The following CPN1 variants were observed in gnomAD, a reference collection of about 807,000 sequenced individuals.
CPN1 encodes the protein carboxypeptidase N catalytic chain.
A neutral mutation model predicts 46.4 loss-of-function variants in CPN1; 37 were observed. The ratio of observed to expected loss-of-function variants is 0.80; its 90% CI spans 0.61 to 1.05. The LOEUF is 1.05. CPN1 is among the 50% of genes least tolerant of loss of function. CPN1 has a pLI of 0.00. For synonymous variants in CPN1, 224 were observed against 235.4 expected (o/e 0.95, Z 0.44); for missense variants, 563 against 602.6 (o/e 0.93, Z 0.69).
At chr10:100,045,515 T>A (rs1287820098) in intron 8 of CPN1, among the ~76,000 whole-genome samples, 1 of 152,196 alleles carries the variant, frequency 6.6e-6, no homozygotes, top group Non-Finnish European at 1.5e-5. Context: ...CTCAAAGGAC[T>A]TAAAGCATAG....
rs763408059 is a variant in CPN1 at position 100,075,969 on chromosome 10, G to A, written c.362C>T (p.Thr121Met). The change falls in exon 2 of 9, where the codon ACG becomes ATG. Residue 121 changes from threonine (T) to methionine (M), a missense_variant. Coordinates refer to ENST00000370418, the MANE Select transcript of CPN1 (RefSeq NM_001308.3). ...CATGGATGGCAGGATGTGAATGCGCGTGTCCTGGATGAGCTGGACGATGCG... is the reference window on the plus strand; with the variant it reads ...CATGGATGGCAGGATGTGAATGCGCATGTCCTGGATGAGCTGGACGATGCG... ...NQRIVQLIQD[T>M]RIHILPSMNP... The A allele has an allele frequency of 4.3e-5, 70 of 1,614,140 alleles. No homozygotes were observed. The highest frequency in any genetic ancestry group is 8.9e-5 in the East Asian group (4 of 44,886).
At chr10:100,070,410 G>T (rs1294537357) in intron 2 of CPN1, among the ~76,000 whole-genome samples, 2 of 152,080 alleles carry the variant, frequency 1.3e-5, no homozygotes, top group African/African-American at 4.8e-5. Flanking sequence ...TTAAACTCAG[G>T]AAGTGAGGTT....
intron 5 of CPN1, 72 bp from the exon 6 acceptor site, chr10:100,057,224 C>G (rs866985929): frequency 1.3e-6 from 2 of 1,528,066 alleles, no homozygotes; most frequent in Non-Finnish European, 1.8e-6. Context: ...ATCTCTCTCT[C>G]TCTCTTTTTA....
rs771053335 is a variant in CPN1, at chr10:100,042,499, G to A, written c.1305C>T (p.Val435=). 18 of 1,613,934 alleles carry A rather than the reference G, an allele frequency of 1.1e-5. No homozygotes were observed. In the South Asian group the frequency reaches 2.0e-4, roughly 18 times the overall value. The change falls in exon 9 of 9, where the codon GTC becomes GTT. Residue 435 remains valine, a synonymous_variant. Transcript: ENST00000370418. ...TGGCTTGGGGCTGCACTTTGGCTCT[G>A]ACTCCGTGCCTTCTGCTGGGAGCTC... The part of the protein sequence containing the change: ...VRRAPSRRHG[V]RAKVQPQARK...
At position 100,074,177 on chromosome 10, in the gene CPN1, G is replaced by A. The variant is rs142622691; in HGVS notation, c.420+1734C>T. Among the ~76,000 whole-genome samples the A allele has an allele frequency of 2.4e-3, 365 of 152,242 alleles. 1 individual carries two copies. Among genetic ancestry groups the A allele is most frequent in the African/African-American group, 8.5e-3 (353 of 41,536 alleles). On this transcript the variant is annotated intron_variant, in intron 2 of 8. Transcript: ENST00000370418. ...TAGGACATGGACATCTTTGGTGGGG[G>A]GCATTATTCTGGCCACCTACAAGTG... is the stretch of plus-strand genomic sequence containing the variant.
intron 8 of CPN1, among the ~76,000 whole-genome samples, chr10:100,047,823 T>TA (rs34829005): frequency 3.3e-5 from 5 of 150,980 alleles, no homozygotes; most frequent in Non-Finnish European, 7.4e-5. Context: ...CCATTTCTAC[T>TA]AAAAAAAACC....
At chr10:100,071,807 G>A (rs1035469010) in intron 2 of CPN1, among the ~76,000 whole-genome samples, 1 of 152,212 alleles carries the variant, frequency 6.6e-6, no homozygotes, top group Non-Finnish European at 1.5e-5. Flanking sequence ...AAGTATACAG[G>A]AGGATGTGCA....
chr10:100,069,965 C>G, intron 2 of CPN1, 96 bp from the exon 3 acceptor site: 2 of 1,419,416 alleles, frequency 1.4e-6, no homozygotes, highest in Non-Finnish European at 9.9e-7. Context: ...CACTGTTGCC[C>G]AGGCTGAAGT....
At chr10:100,078,142 A>C (rs1297155116) in intron 1 of CPN1, among the ~76,000 whole-genome samples, 1 of 151,968 alleles carries the variant, frequency 6.6e-6, no homozygotes, top group Non-Finnish European at 1.5e-5. Flanking sequence ...CGAATTTCTC[A>C]GTTCAAGCCA....
At chr10:100,078,121 G>C (rs1451513444) in intron 1 of CPN1, among the ~76,000 whole-genome samples, 2 of 151,892 alleles carry the variant, frequency 1.3e-5, no homozygotes, top group Admixed American at 1.3e-4. Flanking sequence ...TCATAGCTCA[G>C]GATAGCCTCT....
intron 4 of CPN1, 89 bp downstream of exon 4, chr10:100,065,099 C>G (rs2041445581): frequency 2.8e-6 from 4 of 1,434,552 alleles, no homozygotes; most frequent in Non-Finnish European, 3.8e-6. Context: ...TCTGTGGCCT[C>G]GCACTGAAAA....
chr10:100,055,152 C>T (rs1230271072), intron 6 of CPN1, among the ~76,000 whole-genome samples: 4 of 151,640 alleles, frequency 2.6e-5, no homozygotes, highest in South Asian at 2.1e-4. Context: ...ACAGGAGAAT[C>T]GCTTAAACTG....
intron 7 of CPN1, among the ~76,000 whole-genome samples, chr10:100,053,176 A>G (rs2041365459): frequency 6.6e-6 from 1 of 152,222 alleles, no homozygotes; most frequent in Non-Finnish European, 1.5e-5. Context: ...CTGCCTTTAG[A>G]CATTACCTTT....
intron 3 of CPN1, 33 bp from the exon 4 acceptor site, chr10:100,065,403 C>T: frequency 3.7e-6 from 6 of 1,611,998 alleles, no homozygotes; most frequent in Non-Finnish European, 4.2e-6. Context: ...CGGTGAAGGG[C>T]CAACTGGGGC....
chr10:100,062,018 C>T (rs1047372023), intron 5 of CPN1, among the ~76,000 whole-genome samples: 7 of 152,002 alleles, frequency 4.6e-5, no homozygotes, highest in Non-Finnish European at 8.8e-5. Flanking sequence ...GCCTTGTATT[C>T]AAGCGAGTTT....
intron 1 of CPN1, 113 bp from the exon 2 acceptor site, chr10:100,076,220 C>T: frequency 9.7e-7 from 1 of 1,033,194 alleles, no homozygotes; most frequent in Non-Finnish European, 1.5e-6. Context: ...CTCATGCTTT[C>T]ATTGGGTCTT....
Position 100,042,357 on chromosome 10 carries a change from G to C in CPN1, c.*70C>G, listed in dbSNP as rs533504673. ...TAAATATGTCCCAGATAATAAAATA[G>C]AAAGAATGCTTGATCTGATCTGAGA... On this transcript the variant is annotated 3_prime_UTR_variant, in exon 9 of 9. Transcript: ENST00000370418. The C allele has an allele frequency of 8.8e-6, 14 of 1,582,432 alleles. No homozygotes were observed. In the African/African-American group the frequency reaches 1.9e-4, roughly 21 times the overall value.
intron 1 of CPN1, among the ~76,000 whole-genome samples, chr10:100,080,997 T>C (rs538679062): frequency 3.0e-4 from 46 of 152,302 alleles, no homozygotes; most frequent in African/African-American, 1.0e-3. Context: ...GATTCCCCTA[T>C]ACCCTTCTAA....
chr10:100,081,809 C>T lies in CPN1; in HGVS notation c.-184G>A. 1 of 644,152 alleles carries T rather than the reference C, an allele frequency of 1.6e-6. No homozygotes were observed. Among genetic ancestry groups the T allele is most frequent in the East Asian group, 2.8e-5 (1 of 35,290 alleles). 39.9% of individuals were successfully genotyped at this position (644,152 alleles called of 1,614,324 possible). Reference sequence around the variant, plus strand: ...ATTCTTTATGTCGTTCTGGAATAGCCACTCATCTCTCCTCCCTCACTCCCT... The same window carrying T: ...ATTCTTTATGTCGTTCTGGAATAGCTACTCATCTCTCCTCCCTCACTCCCT... On this transcript the variant is annotated 5_prime_UTR_variant, in exon 1 of 9. Transcript: ENST00000370418.
Sources: gnomAD v4.1 joint callset for allele counts (sites outside exome capture counted in the v4.1 genomes callset) on GRCh38, gnomAD v4.1.1 for gene constraint, MANE v1.5 for transcripts, NCBI Gene and HGNC (gene_info 2026-07-23, HGNC 2026-07-21) for gene names.